Variants in ANKRD30A observed in about 807,000 individuals in gnomAD.
ANKRD30A encodes ankyrin repeat domain 30A, also known as ankyrin repeat domain-containing protein 30A.
A neutral mutation model predicts 166.3 loss-of-function variants in ANKRD30A; 170 were observed. The ratio of observed to expected loss-of-function variants is 1.02; its 90% CI spans 0.90 to 1.16. The LOEUF is 1.16. ANKRD30A is among the 50% of genes most tolerant of loss of function. ANKRD30A has a pLI of 0.00. For synonymous variants in ANKRD30A, 564 were observed against 508.9 expected, an observed-to-expected ratio of 1.11 and a Z score of -1.46; for missense variants, 1,630 against 1,518.0, an observed-to-expected ratio of 1.07 and a Z score of -1.23.
chr10:37,137,011 T>G (rs1836744463), intron 6 of ANKRD30A, among the ~76,000 whole-genome samples: 2 of 152,114 alleles, frequency 1.3e-5, no homozygotes, highest in East Asian at 1.9e-4. Context: ...GTTTTAAGTT[T>G]GTATATTTTA....
chr10:37,165,281 A>C (rs1375096283), intron 18 of ANKRD30A, 126 bp downstream of exon 18: 3 of 904,868 alleles, frequency 3.3e-6, no homozygotes, highest in African/African-American at 3.3e-5. Flanking sequence ...GATGTTTTTC[A>C]GTATATGCTT....
rs1444435590 is a variant in ANKRD30A at position 37,198,329 on chromosome 10, C to T, written c.2716+849C>T. On this transcript the variant is annotated intron_variant, in intron 29 of 35. Coordinates refer to ENST00000361713, the MANE Select transcript of ANKRD30A (RefSeq NM_052997.3). Reference sequence around the variant, plus strand: ...CAGCATTATAATTTTTAGAAACATCCGTATAGGACACAGTTAACTGTGTTT... The same window carrying T: ...CAGCATTATAATTTTTAGAAACATCTGTATAGGACACAGTTAACTGTGTTT... 5.3e-5 allele frequency among the ~76,000 whole-genome samples: 8 copies of T among 151,850 alleles called. No homozygotes were observed. The East Asian group carries it at 1.2e-3, about 22-fold the overall frequency.
chr10:37,126,132 C>G, intron 1 of ANKRD30A, 124 bp downstream of exon 1: 1 of 1,030,692 alleles, frequency 9.7e-7, no homozygotes, highest in Admixed American at 2.2e-5. Context: ...TAACGGGCAG[C>G]GGGGCAGCCA....
intron 12 of ANKRD30A, 97 bp downstream of exon 12, chr10:37,152,218 G>C (rs17605946): frequency 1.0e-6 from 1 of 998,536 alleles, no homozygotes; most frequent in Non-Finnish European, 1.5e-6. Context: ...CTCTTCATAT[G>C]TCACCCCGAA....
chr10:37,194,011 T>G (rs367881083), intron 27 of ANKRD30A, among the ~76,000 whole-genome samples: 1 of 151,986 alleles, frequency 6.6e-6, no homozygotes, highest in Non-Finnish European at 1.5e-5. Flanking sequence ...CCTGGTCAAA[T>G]TAGTGAAACC....
downstream of ANKRD30A, among the ~76,000 whole-genome samples, chr10:37,233,161 C>A (rs945985720): frequency 2.0e-5 from 3 of 152,074 alleles, no homozygotes; most frequent in Admixed American, 6.6e-5. Flanking sequence ...CTTTCTCAGA[C>A]AGCATTGCTG....
At chr10:37,141,668 A>C in intron 6 of ANKRD30A, 50 bp from the exon 7 acceptor site, 1 of 1,598,682 alleles carries the variant, frequency 6.3e-7, no homozygotes, top group East Asian at 2.2e-5. Context: ...AAGAGTCAGG[A>C]GGATGATATT....
the ANKRD30A span, among the ~76,000 whole-genome samples, chr10:37,249,418 G>C: frequency 6.6e-6 from 1 of 151,832 alleles, no homozygotes; most frequent in African/African-American, 2.4e-5. Context: ...TAAGTAAATA[G>C]AGCTAAGAAT....
chr10:37,218,879 C>G, intron 33 of ANKRD30A, 101 bp from the exon 34 acceptor site: 4 of 787,464 alleles, frequency 5.1e-6, no homozygotes, highest in Non-Finnish European at 7.9e-6. Context: ...TTATAAAAAC[C>G]CTTTCATTGT....
At chr10:37,141,207 A>T (rs1283260438) in intron 6 of ANKRD30A, among the ~76,000 whole-genome samples, 1 of 152,094 alleles carries the variant, frequency 6.6e-6, no homozygotes, top group Non-Finnish European at 1.5e-5. Context: ...ATTACTTATT[A>T]TGTCATGTCG....
rs2132742409 is a variant in ANKRD30A at position 37,219,231 on chromosome 10, T to C, written c.3519T>C (p.Ala1173=). ...QYSGQLKVLI[A]ENTMLTSKLK... ...GTGGGCAGCTTAAAGTTCTGATAGC[T>C]GAGAACACAATGCTCACTTCTAAAT... Residue 1173 remains alanine (A), a synonymous_variant, in exon 34 of 36, where the codon GCT becomes GCC. Transcript: ENST00000361713. The C allele has an allele frequency of 6.2e-7, 1 of 1,610,656 alleles. No individual in the cohort carries two copies. Among genetic ancestry groups the C allele is most frequent in the South Asian group, 1.1e-5 (1 of 91,000 alleles).
intron 18 of ANKRD30A, among the ~76,000 whole-genome samples, chr10:37,166,144 CTCA>C (rs1305231308): frequency 6.6e-6 from 1 of 152,088 alleles, no homozygotes; most frequent in Non-Finnish European, 1.5e-5. Context: ...TCTAAAAGTT[CTCA>C]TCATGACATG....
At chr10:37,195,586 G>A (rs1297780631) in intron 27 of ANKRD30A, among the ~76,000 whole-genome samples, 1 of 152,104 alleles carries the variant, frequency 6.6e-6, no homozygotes, top group African/African-American at 2.4e-5. Context: ...ACAAAAGATA[G>A]TTACACATAT....
the ANKRD30A span, among the ~76,000 whole-genome samples, chr10:37,262,822 T>A: frequency 6.6e-6 from 1 of 152,124 alleles, no homozygotes; most frequent in African/African-American, 2.4e-5. Context: ...CACAAATATA[T>A]AGAAAATAAA....
At position 37,193,070 on chromosome 10, in the gene ANKRD30A, C is replaced by G; in HGVS notation, c.2519C>G (p.Pro840Arg). The G allele has an allele frequency of 6.2e-7, 1 of 1,610,030 alleles. No individual in the cohort carries two copies. The highest frequency in any genetic ancestry group is 2.2e-5 in the East Asian group (1 of 44,744). ...DKINGKLEES[P>R]DNDGFLKAPC... is the part of the protein sequence containing the mutation. ...TATGTCCCTTTTCTTTTAGAGTCTCCTGATAATGATGGTTTTCTGAAGGTA... is the reference window on the plus strand; with the variant it reads ...TATGTCCCTTTTCTTTTAGAGTCTCGTGATAATGATGGTTTTCTGAAGGTA... Residue 840 changes from proline (P) to arginine (R), a missense_variant, in exon 26 of 36, where the codon CCT becomes CGT. By Grantham distance (103) the Pro-to-Arg change is moderately radical (BLOSUM62 -2). This residue lies in a region of ANKRD30A where 712 missense variants were observed against 629.3 expected (regional missense o/e 1.13). Coordinates refer to ENST00000361713, the MANE Select transcript of ANKRD30A (RefSeq NM_052997.3).
At chr10:37,255,561 T>A in the ANKRD30A span, among the ~76,000 whole-genome samples, 1 of 152,190 alleles carries the variant, frequency 6.6e-6, no homozygotes, top group Admixed American at 6.5e-5. Flanking sequence ...TGTTGTGCAA[T>A]CATCACAACT....
chr10:37,165,612 T>A (rs1839262451), intron 18 of ANKRD30A, among the ~76,000 whole-genome samples: 1 of 151,994 alleles, frequency 6.6e-6, no homozygotes, highest in Non-Finnish European at 1.5e-5. Context: ...TATTGACATA[T>A]CTTTATTGTT....
At chr10:37,251,756 T>G in the ANKRD30A span, among the ~76,000 whole-genome samples, 2 of 152,212 alleles carry the variant, frequency 1.3e-5, no homozygotes, top group African/African-American at 2.4e-5. Context: ...ACTAGAATGC[T>G]TCCAAGAATT....
intron 8 of ANKRD30A, among the ~76,000 whole-genome samples, chr10:37,146,254 T>C (rs1442880368): frequency 1.3e-5 from 2 of 152,290 alleles, no homozygotes; most frequent in Non-Finnish European, 2.9e-5. Context: ...CAAGTACTTT[T>C]TCCATCAGCA....
Sources: gnomAD v4.1 joint callset for allele counts (sites outside exome capture counted in the v4.1 genomes callset) on GRCh38, gnomAD v4.1.1 for gene constraint, gnomAD v4.1.1 regional missense constraint, MANE v1.5 for transcripts, NCBI Gene and HGNC (gene_info 2026-07-23, HGNC 2026-07-21) for gene names.